Variants in ANKRD10 observed in about 807,000 individuals in gnomAD.
ANKRD10 encodes the protein ankyrin repeat domain-containing protein 10.
In ANKRD10, 14 loss-of-function variants were observed where a neutral mutation model predicts 27.0. That is an observed-to-expected ratio of 0.52 (90% confidence interval 0.34 to 0.81). ANKRD10 has a LOEUF of 0.81. ANKRD10 is among the 40% of genes least tolerant of loss of function. The probability of loss-of-function intolerance (pLI) is 0.01; values close to 1 mark genes in which losing one functional copy is unlikely to be tolerated. For missense variants in ANKRD10, 493 were observed against 544.0 expected (o/e 0.91, Z 0.93); for synonymous variants, 250 against 224.5 (o/e 1.11, Z -1.01).
intron 4 of ANKRD10, among the ~76,000 whole-genome samples, chr13:110,891,069 T>A (rs927953164): frequency 6.6e-6 from 1 of 152,228 alleles, no homozygotes; most frequent in African/African-American, 2.4e-5. Flanking sequence ...CCAATTAGCA[T>A]GTTAAGTGAT....
intron 1 of ANKRD10, among the ~76,000 whole-genome samples, chr13:110,913,320 C>A (rs1005507208): frequency 6.6e-6 from 1 of 152,168 alleles, no homozygotes; most frequent in African/African-American, 2.4e-5. Flanking sequence ...TTACTGACTG[C>A]CTCGGGAAAT....
chr13:110,906,269 G>T, intron 2 of ANKRD10, 145 bp from the exon 3 acceptor site: 2 of 652,246 alleles, frequency 3.1e-6, no homozygotes, highest in East Asian at 5.6e-5. Flanking sequence ...AGAACACAAA[G>T]AAATCTATAC....
chr13:110,881,162 ATC>A (rs2064809576), intron 5 of ANKRD10, among the ~76,000 whole-genome samples: 1 of 152,250 alleles, frequency 6.6e-6, no homozygotes. Context: ...ATCTAAAATT[ATC>A]TCTAACTCGG....
At chr13:110,891,269 T>C (rs993911365) in intron 4 of ANKRD10, among the ~76,000 whole-genome samples, 5 of 152,168 alleles carry the variant, frequency 3.3e-5, no homozygotes, top group Admixed American at 2.0e-4. Context: ...TGACAAAGGA[T>C]TTTTTTAAAA....
intron 3 of ANKRD10, among the ~76,000 whole-genome samples, chr13:110,895,873 T>A (rs2065212612): frequency 6.6e-6 from 1 of 152,128 alleles, no homozygotes; most frequent in Non-Finnish European, 1.5e-5. Flanking sequence ...ACTGGTAAGC[T>A]CTCCCACTTC....
Position 110,880,041 on chromosome 13 carries a change from G to T in ANKRD10, c.859C>A (p.Pro287Thr), listed in dbSNP as rs1246366714. Reference sequence around the variant, plus strand: ...ATCCCACTGAGCGGGGTCGTGGAGGGGAAGTCCAAATGTCCATTGATGACA... The same window carrying T: ...ATCCCACTGAGCGGGGTCGTGGAGGTGAAGTCCAAATGTCCATTGATGACA... ...GCVINGHLDF[P>T]STTPLSGMES... is the part of the protein sequence containing the mutation. The change falls in exon 6 of 6, where the codon CCC becomes ACC. Residue 287 changes from proline to threonine, a missense_variant. Pro to Thr is a conservative substitution (Grantham distance 38, BLOSUM62 -1). Coordinates refer to ENST00000267339, the MANE Select transcript of ANKRD10 (RefSeq NM_017664.4). 2.5e-6 allele frequency: 4 copies of T among 1,614,076 alleles called. No individual in the cohort carries two copies. The highest frequency in any genetic ancestry group is 2.5e-6 in the Non-Finnish European group (3 of 1,180,050).
chr13:110,902,779 C>T (rs1432103126), intron 3 of ANKRD10, among the ~76,000 whole-genome samples: 1 of 152,208 alleles, frequency 6.6e-6, no homozygotes, highest in African/African-American at 2.4e-5. Flanking sequence ...AACGGACCTA[C>T]AAATCTGCCT....
At chr13:110,887,181 A>C (rs79396858) in intron 4 of ANKRD10, among the ~76,000 whole-genome samples, 3,734 of 152,268 alleles carry the variant, frequency 0.025, 168 homozygotes, top group African/African-American at 0.086. Flanking sequence ...CAGGGCAACT[A>C]AACGGTCTGC....
chr13:110,894,061 G>T, intron 3 of ANKRD10: 1 of 1,314,962 alleles, frequency 7.6e-7, no homozygotes, highest in Non-Finnish European at 1.1e-6. Context: ...AGTGATGGCA[G>T]AGTAAGTGAA....
chr13:110,881,632 A>G (rs967166218), intron 5 of ANKRD10, among the ~76,000 whole-genome samples: 1 of 152,244 alleles, frequency 6.6e-6, no homozygotes, highest in Non-Finnish European at 1.5e-5. Flanking sequence ...AAAACAAGTT[A>G]TTCCCAGGGG....
At chr13:110,908,836 G>A (rs1245834743) in intron 2 of ANKRD10, among the ~76,000 whole-genome samples, 1 of 152,204 alleles carries the variant, frequency 6.6e-6, no homozygotes, top group Non-Finnish European at 1.5e-5. Context: ...GATACACTAA[G>A]GAGAAATTCC....
rs182905702 is a variant in ANKRD10 at position 110,908,426 on chromosome 13, A to T, written c.363+2192T>A. Among the ~76,000 whole-genome samples the T allele has an allele frequency of 9.2e-5, 14 of 152,328 alleles. No homozygotes were observed. The East Asian group carries it at 2.3e-3, about 25-fold the overall frequency. ...CTCTAGGCAGCATACGAGCTTTGGT[A>T]ATCTCACCTCAGAGACTGCCAAAAA... On this transcript the variant is annotated intron_variant, in intron 2 of 5. Transcript: ENST00000267339.
chr13:110,906,242 T>A (rs1392804128), intron 2 of ANKRD10, 118 bp from the exon 3 acceptor site: 8 of 770,988 alleles, frequency 1.0e-5, no homozygotes, highest in Non-Finnish European at 1.6e-5. Flanking sequence ...TAAAACATGT[T>A]GAGCAAGATC....
intron 4 of ANKRD10, 121 bp from the exon 5 acceptor site, chr13:110,883,914 A>ACAAAAAAAAAAAAC: frequency 9.1e-7 from 1 of 1,096,644 alleles, no homozygotes; most frequent in Non-Finnish European, 1.2e-6. Flanking sequence ...ATAAAAAAAA[A>ACAAAAAAAAAAAAC]TCGACAGGTC....
chr13:110,897,635 G>C (rs9521984), intron 3 of ANKRD10, among the ~76,000 whole-genome samples: 51,090 of 151,882 alleles, frequency 0.34, 8,933 homozygotes, highest in East Asian at 0.69. Context: ...TTCCAATCTT[G>C]GGTACTGTGA....
chr13:110,908,037 AT>A (rs574546900), intron 2 of ANKRD10, among the ~76,000 whole-genome samples: 3 of 152,160 alleles, frequency 2.0e-5, no homozygotes, highest in Non-Finnish European at 2.9e-5. Flanking sequence ...AGGCCCGGAC[AT>A]CCTGAGAGAA....
intron 4 of ANKRD10, chr13:110,892,668 A>C (rs904722969): frequency 4.1e-5 from 33 of 809,894 alleles, no homozygotes; most frequent in Non-Finnish European, 4.5e-5. Context: ...CATTTACAAG[A>C]AGCAAATTAA....
At chr13:110,897,294 CTTTT>C (rs35945478) in intron 3 of ANKRD10, among the ~76,000 whole-genome samples, 1 of 127,544 alleles carries the variant, frequency 7.8e-6, no homozygotes, top group Non-Finnish European at 1.6e-5. Context: ...TGCCTGGCTA[CTTTT>C]TTTTTTTTTT....
intron 5 of ANKRD10, among the ~76,000 whole-genome samples, chr13:110,881,442 A>G (rs2064815879): frequency 6.9e-6 from 1 of 144,308 alleles, no homozygotes; most frequent in African/African-American, 2.6e-5. Flanking sequence ...TGGAAACATT[A>G]TCTAAATATT....
Sources: gnomAD v4.1 joint callset for allele counts (sites outside exome capture counted in the v4.1 genomes callset) on GRCh38, gnomAD v4.1.1 for gene constraint, MANE v1.5 for transcripts, NCBI Gene and HGNC (gene_info 2026-07-23, HGNC 2026-07-21) for gene names.